The following PDCD5 variants were observed in gnomAD, a reference collection of about 807,000 sequenced individuals.
PDCD5 encodes the protein programmed cell death protein 5.
Under a neutral mutation model 21.9 loss-of-function variants are expected in PDCD5, and 23 were observed. The ratio of observed to expected loss-of-function variants is 1.05; its 90% CI spans 0.76 to 1.49. The LOEUF is 1.49. Among genes scored for constraint, PDCD5 ranks in the 40% most tolerant of loss-of-function variants. The pLI is 0.00. For synonymous variants in PDCD5, 45 were observed against 49.4 expected (o/e 0.91, Z 0.37); for missense variants, 152 against 147.7 (o/e 1.03, Z -0.15).
In PDCD5 at chr19:32,585,024, G is replaced by C. The variant is rs1419868971; in HGVS notation, c.166+13G>C. On this transcript the variant is annotated intron_variant, in intron 3 of 5. Transcript: ENST00000590247. The stretch of plus-strand genomic sequence containing the variant: ...GCCCGGGCCAGGTGTAAGCATCTTT[G>C]ATTTCATTTCCATAAAGTTAGCTTG... The C allele has an allele frequency of 2.2e-5, 35 of 1,605,370 alleles. No homozygotes were observed. Among genetic ancestry groups the C allele is most frequent in the Non-Finnish European group, 3.0e-5 (35 of 1,172,158 alleles).
At chr19:32,581,672 AGTT>A (rs758714649) in intron 1 of PDCD5, 1 of 234,614 alleles carries the variant, frequency 4.3e-6, no homozygotes, top group Non-Finnish European at 8.1e-6. Context: ...TCCGGAGTTC[AGTT>A]GTTATGACCC....
rs747669656 is a variant in PDCD5 at position 32,582,172 on chromosome 19, AAATTT to A, written c.67-20_67-16del. 3 of 1,595,270 alleles carry A rather than the reference AAATTT, an allele frequency of 1.9e-6. No individual in the cohort carries two copies. Among genetic ancestry groups the A allele is most frequent in the East Asian group, 2.2e-5 (1 of 44,502 alleles). On this transcript the variant is annotated intron_variant, in intron 1 of 5. Transcript: ENST00000590247. Reference sequence around the variant, plus strand: ...CCGCCTCCCGTGAAATTTCTCTATTAAATTTAAGTTTTTTTTTTCCAGGATCCTGG... The same window carrying A: ...CCGCCTCCCGTGAAATTTCTCTATTAAAGTTTTTTTTTTCCAGGATCCTGG...
At chr19:32,582,809 A>G (rs942133625) in intron 2 of PDCD5, among the ~76,000 whole-genome samples, 3 of 152,150 alleles carry the variant, frequency 2.0e-5, no homozygotes. Flanking sequence ...TAGCTACTGG[A>G]CAATTCTCTA....
At chr19:32,585,150 A>G (rs985111369) in intron 3 of PDCD5, 139 bp downstream of exon 3, 26 of 701,340 alleles carry the variant, frequency 3.7e-5, no homozygotes, top group Non-Finnish European at 6.4e-5. Flanking sequence ...TGTGAAGTTT[A>G]TAAACCTAGA....
At chr19:32,585,145 A>C (rs1400751558) in intron 3 of PDCD5, 134 bp downstream of exon 3, 1 of 722,588 alleles carries the variant, frequency 1.4e-6, no homozygotes, top group East Asian at 2.6e-5. Flanking sequence ...AGAAGTGTGA[A>C]GTTTATAAAC....
At chr19:32,586,036 A>G (rs1240844553) in intron 4 of PDCD5, 129 bp downstream of exon 4, 2 of 1,589,944 alleles carry the variant, frequency 1.3e-6, no homozygotes, top group Admixed American at 3.7e-5. Context: ...GTTGGAGAGA[A>G]TAGTCATACC....
chr19:32,585,005 G>C lies in PDCD5; in HGVS notation c.160G>C (p.Ala54Pro). Reference protein sequence around the residue: ...LAQVLDQSARARLSNLALVKP... With the variant: ...LAQVLDQSARPRLSNLALVKP... ...CCAAGTTCTGGATCAGTCGGCCCGG[G>C]CCAGGTGTAAGCATCTTTGATTTCA... is the stretch of plus-strand genomic sequence containing the variant. The change falls in exon 3 of 6, where the codon GCC becomes CCC. Residue 54 changes from alanine to proline, a missense_variant. By Grantham distance (27) the Ala-to-Pro change is conservative. Coordinates refer to ENST00000590247, the MANE Select transcript of PDCD5 (RefSeq NM_004708.4). The C allele has an allele frequency of 1.2e-6, 2 of 1,613,290 alleles. No individual in the cohort carries two copies. Among genetic ancestry groups the C allele is most frequent in the Non-Finnish European group, 1.7e-6 (2 of 1,179,208 alleles).
chr19:32,585,923 C>A lies in PDCD5; in HGVS notation c.258+16C>A. 1 of 1,613,540 alleles carries A rather than the reference C, an allele frequency of 6.2e-7. No individual in the cohort carries two copies. Among genetic ancestry groups the A allele is most frequent in the Middle Eastern group, 1.6e-4 (1 of 6,062 alleles). On this transcript the variant is annotated intron_variant, in intron 4 of 5. Transcript: ENST00000590247. ...AAGTGAGAAGGTAAGCTTAGACAGC[C>A]TTGAGGAACTTTACTGTTACCTGCT... is the stretch of plus-strand genomic sequence containing the variant.
rs749329127 is a variant in PDCD5 at position 32,587,214 on chromosome 19, A to G, written c.331-39A>G. On this transcript the variant is annotated intron_variant, in intron 5 of 5. Transcript: ENST00000590247. ...TCTCGGAAAATCTGAGTTATGCTTT[A>G]TTAGAAATGTTCTGACACTCATTTA... 4.9e-6 allele frequency: 7 copies of G among 1,434,104 alleles called. No individual in the cohort carries two copies. In the African/African-American group the frequency reaches 9.8e-5, roughly 20 times the overall value. 88.8% of individuals were successfully genotyped at this position (1,434,104 alleles called of 1,614,324 possible). A position where few individuals can be genotyped will look rare whatever the true frequency, so the allele number is the denominator to read the frequency against.
intron 1 of PDCD5, chr19:32,581,775 C>T (rs570884762): frequency 3.5e-4 from 75 of 213,532 alleles, no homozygotes; most frequent in African/African-American, 1.7e-3. Context: ...GCCGGGATGA[C>T]AGGGAGGGGC....
At chr19:32,586,720 C>T in intron 4 of PDCD5, 138 bp from the exon 5 acceptor site, 1 of 1,375,360 alleles carries the variant, frequency 7.3e-7, no homozygotes, top group Non-Finnish European at 9.4e-7. Flanking sequence ...CCAATAGTTT[C>T]AACCTCCTGC....
At chr19:32,582,292 T>TTAAAATAACTACAGCAAAA in intron 2 of PDCD5, 60 bp downstream of exon 2, 1 of 1,456,710 alleles carries the variant, frequency 6.9e-7, no homozygotes, top group Non-Finnish European at 9.6e-7. Flanking sequence ...TTTCTTTTGC[T>TTAAAATAACTACAGCAAAA]GTAGTTATTT....
intron 4 of PDCD5, chr19:32,586,605 G>A: frequency 8.2e-7 from 1 of 1,221,798 alleles, no homozygotes; most frequent in Non-Finnish European, 1.0e-6. Flanking sequence ...AAATATGTTA[G>A]CTTTCAGTTT....
intron 4 of PDCD5, 96 bp from the exon 5 acceptor site, chr19:32,586,762 C>G: frequency 6.8e-7 from 1 of 1,471,412 alleles, no homozygotes; most frequent in Non-Finnish European, 9.0e-7. Context: ...AGCTCTTTCC[C>G]CACACCTCAA....
chr19:32,581,348 CA>C, intron 1 of PDCD5, 21 bp downstream of exon 1: 1 of 1,467,488 alleles, frequency 6.8e-7, no homozygotes, highest in Middle Eastern at 2.4e-4. Context: ...CAGCCCCCGC[CA>C]GGCTTGGCCC....
chr19:32,581,300 G>T lies in PDCD5; in HGVS notation c.39G>T (p.Arg13Ser). 1 of 1,527,058 alleles carries T rather than the reference G, an allele frequency of 6.5e-7. No homozygotes were observed. The allele number at this position is 1,527,058 out of a possible 1,614,324, so 94.6% of individuals were successfully genotyped here. A position where few individuals can be genotyped will look rare whatever the true frequency, so the allele number is the denominator to read the frequency against. Reference sequence around the variant, plus strand: ...AGCTTGAGGCGCTGAGGAGACAGAGGCTGGCCGAGCTGCAGGCCAAACACG... The same window carrying T: ...AGCTTGAGGCGCTGAGGAGACAGAGTCTGGCCGAGCTGCAGGCCAAACACG... Reference protein sequence around the residue: ...DEELEALRRQRLAELQAKHGD... With the variant: ...DEELEALRRQSLAELQAKHGD... Residue 13 changes from arginine to serine, a missense_variant, in exon 1 of 6, where the codon AGG becomes AGT. Physicochemically the swap from Arg to Ser is moderately radical, Grantham distance 110. Coordinates refer to ENST00000590247, the MANE Select transcript of PDCD5 (RefSeq NM_004708.4).
chr19:32,586,195 C>T (rs1486143060), intron 4 of PDCD5: 22 of 1,444,570 alleles, frequency 1.5e-5, no homozygotes, highest in Non-Finnish European at 1.4e-5. Flanking sequence ...CAAGGTTTGT[C>T]AGTAACACCA....
chr19:32,583,443 C>T (rs1464986050), intron 2 of PDCD5, among the ~76,000 whole-genome samples: 1 of 151,368 alleles, frequency 6.6e-6, no homozygotes, highest in East Asian at 1.9e-4. Context: ...CCATGCCTGG[C>T]TAATTTTTTT....
intron 2 of PDCD5, among the ~76,000 whole-genome samples, chr19:32,583,422 G>A (rs1446547466): frequency 6.6e-6 from 1 of 151,690 alleles, no homozygotes; most frequent in Non-Finnish European, 1.5e-5. Context: ...TGAGATGACA[G>A]GCGTGCACCA....
Sources: allele counts gnomAD v4.1 joint callset (sites outside exome capture counted in the v4.1 genomes callset), GRCh38; gene constraint gnomAD v4.1.1; transcripts MANE v1.5; gene names NCBI Gene and HGNC (gene_info 2026-07-23, HGNC 2026-07-21).